The following MYO3A variants were observed in gnomAD, a reference collection of about 807,000 sequenced individuals.
MYO3A encodes myosin IIIA.
A neutral mutation model predicts 192.7 loss-of-function variants in MYO3A; 180 were observed. The observed-to-expected ratio is 0.93, with a 90% CI of 0.83 to 1.06. The LOEUF is 1.06. Among genes scored for constraint, MYO3A ranks in the 50% least tolerant of loss-of-function variants. The pLI, the probability that MYO3A is intolerant of heterozygous loss-of-function variation, is 0.00. For synonymous variants in MYO3A, 628 were observed against 645.3 expected, an observed-to-expected ratio of 0.97 and a Z score of 0.41; for missense variants, 1,896 against 1,905.0, an observed-to-expected ratio of 1.00 and a Z score of 0.09.
At chr10:26,099,310 G>T (rs1041321702) in intron 17 of MYO3A, among the ~76,000 whole-genome samples, 2 of 152,154 alleles carry the variant, frequency 1.3e-5, no homozygotes, top group Admixed American at 6.5e-5. Flanking sequence ...CAGATTTTGG[G>T]CTGAGATGAT....
At chr10:26,091,768 A>T (rs1404896710) in intron 15 of MYO3A, among the ~76,000 whole-genome samples, 1 of 152,268 alleles carries the variant, frequency 6.6e-6, no homozygotes, top group East Asian at 1.9e-4. Context: ...TAAGTTGCTT[A>T]ATGTCAAAAA....
intron 4 of MYO3A, among the ~76,000 whole-genome samples, chr10:25,967,701 A>T (rs930217036): frequency 6.6e-6 from 1 of 152,226 alleles, no homozygotes; most frequent in Admixed American, 6.5e-5. Context: ...AATATGTTCA[A>T]CAATTTAAAG....
chr10:26,187,495 T>A (rs1842922390), intron 31 of MYO3A, among the ~76,000 whole-genome samples: 1 of 145,068 alleles, frequency 6.9e-6, no homozygotes, highest in Admixed American at 7.0e-5. Context: ...CTGTCTTTTT[T>A]TTATTATTAT....
intron 34 of MYO3A, 53 bp from the exon 35 acceptor site, chr10:26,211,790 C>T (rs951759195): frequency 1.2e-6 from 2 of 1,609,198 alleles, no homozygotes; most frequent in African/African-American, 1.3e-5. Flanking sequence ...TAGGTGGGGA[C>T]GCGCTGCTCA....
intron 20 of MYO3A, among the ~76,000 whole-genome samples, chr10:26,142,710 A>G (rs1266841294): frequency 1.3e-5 from 2 of 152,144 alleles, no homozygotes; most frequent in Non-Finnish European, 2.9e-5. Flanking sequence ...TTCTAAATCC[A>G]CTGGTTGTTT....
intron 4 of MYO3A, among the ~76,000 whole-genome samples, chr10:25,988,819 T>C (rs1839820703): frequency 6.6e-6 from 1 of 151,980 alleles, no homozygotes; most frequent in South Asian, 2.1e-4. Context: ...TTTACTCTTG[T>C]GTTAACATAA....
intron 10 of MYO3A, among the ~76,000 whole-genome samples, chr10:26,054,613 G>T (rs185134550): frequency 6.6e-6 from 1 of 152,322 alleles, no homozygotes; most frequent in African/African-American, 2.4e-5. Flanking sequence ...AGGATCTGGA[G>T]AAGGGGAAAT....
chr10:26,047,057 C>T (rs1156876476), intron 10 of MYO3A, among the ~76,000 whole-genome samples: 1 of 152,086 alleles, frequency 6.6e-6, no homozygotes, highest in Non-Finnish European at 1.5e-5. Flanking sequence ...GATAGCATTA[C>T]CTGTTTTTAG....
chr10:25,991,126 C>A (rs1840000370), intron 4 of MYO3A, among the ~76,000 whole-genome samples: 1 of 152,032 alleles, frequency 6.6e-6, no homozygotes, highest in Non-Finnish European at 1.5e-5. Flanking sequence ...TACAGTCCCA[C>A]CAACAGTGTA....
At chr10:26,206,364 G>T (rs1843946012) in intron 34 of MYO3A, among the ~76,000 whole-genome samples, 1 of 142,130 alleles carries the variant, frequency 7.0e-6, no homozygotes, top group Admixed American at 7.0e-5. Flanking sequence ...CCCAGCCCAG[G>T]TATCTTTTTT....
At chr10:26,045,792 C>T (rs923591477) in intron 10 of MYO3A, among the ~76,000 whole-genome samples, 4 of 152,132 alleles carry the variant, frequency 2.6e-5, no homozygotes, top group African/African-American at 9.7e-5. Flanking sequence ...ATTATCTGAC[C>T]TACCTTCTCT....
intron 10 of MYO3A, among the ~76,000 whole-genome samples, chr10:26,040,781 A>G (rs1296196087): frequency 6.6e-6 from 1 of 152,100 alleles, no homozygotes; most frequent in African/African-American, 2.4e-5. Flanking sequence ...TTCCATTTAA[A>G]AAATATTTTA....
intron 20 of MYO3A, among the ~76,000 whole-genome samples, chr10:26,136,045 A>T (rs930676257): frequency 2.8e-4 from 43 of 151,428 alleles, no homozygotes; most frequent in Non-Finnish European, 2.9e-5. Context: ...ATCTACCCCT[A>T]ACCACACACA....
At chr10:26,127,515 A>C (rs528819618) in intron 19 of MYO3A, among the ~76,000 whole-genome samples, 2 of 152,320 alleles carry the variant, frequency 1.3e-5, no homozygotes, top group East Asian at 3.9e-4. Flanking sequence ...AAAGTATTCT[A>C]CAGCCTGGAT....
chr10:26,189,264 A>C (rs570858766), intron 31 of MYO3A, among the ~76,000 whole-genome samples: 1 of 152,200 alleles, frequency 6.6e-6, no homozygotes, highest in Non-Finnish European at 1.5e-5. Context: ...TAATGACATC[A>C]TTTTAGCTTA....
In MYO3A at chr10:26,170,435, C is replaced by T. The variant is rs954651087; in HGVS notation, c.3294C>T (p.Val1098=). 6.2e-7 allele frequency: 1 copy of T among 1,613,442 alleles called. No individual in the cohort carries two copies. The highest frequency in any genetic ancestry group is 2.2e-5 in the East Asian group (1 of 44,802). ...IIQSAARGHL[V]RKQRKEIVDM... is the part of the protein sequence containing the mutation. ...TTTCAGCTGCAAGAGGACACCTTGT[C>T]AGGAAACAAAGAAAAGAAATTGTTG... Residue 1098 remains valine, a synonymous_variant, in exon 29 of 35, where the codon GTC becomes GTT. Coordinates refer to ENST00000642920, the MANE Select transcript of MYO3A (RefSeq NM_017433.5).
chr10:26,145,665 C>A (rs1589033258), intron 22 of MYO3A, 131 bp downstream of exon 22: 1 of 801,040 alleles, frequency 1.2e-6, no homozygotes, highest in Non-Finnish European at 2.1e-6. Flanking sequence ...TCCGCCCCCA[C>A]TGGCCCTAAT....
In MYO3A at chr10:26,026,491, C is replaced by A. The variant is rs1458926642; in HGVS notation, c.912C>A (p.Phe304Leu). The change falls in exon 10 of 35, where the codon TTC becomes TTA. Residue 304 changes from phenylalanine to leucine, a missense_variant. Coordinates refer to ENST00000642920, the MANE Select transcript of MYO3A (RefSeq NM_017433.5). The part of the protein sequence containing the change: ...DVMLQKQLTE[F>L]IGIHQCMGGT... ...TGCTACAAAAACAACTAACGGAATT[C>A]ATTGGCATCCATCAATGCATGGGAG... is the stretch of plus-strand genomic sequence containing the variant. 11 of 1,614,000 alleles carry A rather than the reference C, an allele frequency of 6.8e-6. No individual in the cohort carries two copies. Among genetic ancestry groups the A allele is most frequent in the Admixed American group, 1.7e-5 (1 of 60,012 alleles).
At chr10:25,942,798 T>C (rs1364805610) in intron 2 of MYO3A, among the ~76,000 whole-genome samples, 1 of 152,084 alleles carries the variant, frequency 6.6e-6, no homozygotes, top group Middle Eastern at 3.4e-3. Context: ...GGGTTTTTTT[T>C]TTTTTAGTTG....
Sources: gnomAD v4.1 joint callset for allele counts (sites outside exome capture counted in the v4.1 genomes callset) on GRCh38, gnomAD v4.1.1 for gene constraint, MANE v1.5 for transcripts, NCBI Gene and HGNC (gene_info 2026-07-23, HGNC 2026-07-21) for gene names.